Variants in CACHD1 observed in about 807,000 individuals in gnomAD.
The protein encoded by CACHD1 is cache domain containing 1, also known as VWFA and cache domain-containing protein 1.
Under a neutral mutation model 138.7 loss-of-function variants are expected in CACHD1, and 71 were observed. The ratio of observed to expected loss-of-function variants is 0.51; its 90% CI spans 0.42 to 0.62. The LOEUF (loss-of-function observed/expected upper bound fraction) is 0.62, where lower values mean the gene tolerates loss of function less well. Among genes scored for constraint, CACHD1 ranks in the 20% least tolerant of loss-of-function variants. The pLI, the probability that CACHD1 is intolerant of heterozygous loss-of-function variation, is 0.00. For synonymous variants in CACHD1, 578 were observed against 591.5 expected (o/e 0.98, Z 0.33); for missense variants, 1,389 against 1,625.3 (o/e 0.85, Z 2.50).
rs1267716836 is a variant in CACHD1 at position 64,566,491 on chromosome 1, A to ACC, written c.262-15664_262-15663insCC. 6.9e-5 allele frequency among the ~76,000 whole-genome samples: 8 copies of ACC among 116,046 alleles called. 1 individual carries two copies. In the South Asian group the frequency reaches 9.5e-4, roughly 14 times the overall value. 76.1% of individuals were successfully genotyped at this position (116,046 alleles called of 152,430 possible). A position where few individuals can be genotyped will look rare whatever the true frequency, so the allele number is the denominator to read the frequency against. On this transcript the variant is annotated intron_variant, in intron 2 of 26. Transcript: ENST00000651257. ...GTATGTTTTCAATTCCCCCCCCCCC[A>ACC]CAAGGTATGGGGGAAGTACTGCCTG...
intron 2 of CACHD1, among the ~76,000 whole-genome samples, chr1:64,569,158 T>G (rs142504321): frequency 6.6e-6 from 1 of 151,872 alleles, no homozygotes; most frequent in Admixed American, 6.6e-5. Context: ...CGACATCAGG[T>G]GATCCACCCA....
chr1:64,530,876 A>G (rs1474214947), intron 1 of CACHD1, among the ~76,000 whole-genome samples: 1 of 151,116 alleles, frequency 6.6e-6, no homozygotes, highest in Non-Finnish European at 1.5e-5. Context: ...GTCTAAAAAA[A>G]AAAAAAGAAA....
intron 3 of CACHD1, among the ~76,000 whole-genome samples, chr1:64,596,626 G>A (rs1003366535): frequency 1.3e-5 from 2 of 152,136 alleles, no homozygotes; most frequent in African/African-American, 4.8e-5. Flanking sequence ...TGCTTGTGTT[G>A]TGACCTCCCA....
At chr1:64,587,756 T>G (rs1349367424) in intron 3 of CACHD1, among the ~76,000 whole-genome samples, 1 of 152,214 alleles carries the variant, frequency 6.6e-6, no homozygotes, top group Non-Finnish European at 1.5e-5. Flanking sequence ...TTTGTGTTCC[T>G]TTAGGTGAGG....
chr1:64,578,036 T>G (rs1225474569), intron 2 of CACHD1, among the ~76,000 whole-genome samples: 3 of 152,208 alleles, frequency 2.0e-5, no homozygotes, highest in African/African-American at 7.2e-5. Flanking sequence ...AGCCCAGAGT[T>G]GAGGACCTTT....
intron 9 of CACHD1, among the ~76,000 whole-genome samples, chr1:64,651,170 C>T (rs1649081259): frequency 6.6e-6 from 1 of 151,944 alleles, no homozygotes; most frequent in Admixed American, 6.6e-5. Context: ...AAAAAAACAA[C>T]AACAAAAATT....
At chr1:64,514,244 A>T (rs1646442882) in intron 1 of CACHD1, among the ~76,000 whole-genome samples, 1 of 152,220 alleles carries the variant, frequency 6.6e-6, no homozygotes, top group Admixed American at 6.5e-5. Flanking sequence ...GAAACCTGGA[A>T]TGATTGCCAG....
chr1:64,615,138 C>T (rs1008826832), intron 4 of CACHD1, among the ~76,000 whole-genome samples: 1 of 152,182 alleles, frequency 6.6e-6, no homozygotes, highest in Non-Finnish European at 1.5e-5. Flanking sequence ...TCCTACAGCA[C>T]GCTGCCAGCC....
intron 21 of CACHD1, 37 bp from the exon 22 acceptor site, chr1:64,676,858 G>A (rs1650008732): frequency 6.5e-7 from 1 of 1,537,958 alleles, no homozygotes; most frequent in Non-Finnish European, 9.0e-7. Flanking sequence ...AATGTGGGCG[G>A]TGGTCGTCTT....
rs1470401656 is a variant in CACHD1, at chr1:64,602,928, G to A, written c.517+16G>A. ...TTAAATTCAGGTCAGTAATCCATTG[G>A]CTTTATAAAGATGAACTGTATTCTA... On this transcript the variant is annotated intron_variant, in intron 4 of 26. Coordinates refer to ENST00000651257, the MANE Select transcript of CACHD1 (RefSeq NM_020925.4). The A allele has an allele frequency of 1.3e-6, 2 of 1,501,512 alleles. No individual in the cohort carries two copies. The highest frequency in any genetic ancestry group is 1.9e-6 in the Non-Finnish European group (2 of 1,078,074). 93.0% of individuals were successfully genotyped at this position (1,501,512 alleles called of 1,614,324 possible).
intron 3 of CACHD1, among the ~76,000 whole-genome samples, chr1:64,595,813 A>G (rs571478355): frequency 4.6e-5 from 7 of 152,166 alleles, no homozygotes; most frequent in Non-Finnish European, 8.8e-5. Flanking sequence ...ATGGCGAAAA[A>G]GAAATATGGT....
chr1:64,663,112 C>T (rs2100700865), intron 13 of CACHD1, among the ~76,000 whole-genome samples: 1 of 152,266 alleles, frequency 6.6e-6, no homozygotes, highest in East Asian at 1.9e-4. Flanking sequence ...CATAAGCTGT[C>T]CCCTCATTCC....
intron 9 of CACHD1, among the ~76,000 whole-genome samples, chr1:64,651,332 A>C (rs1398979123): frequency 6.6e-6 from 1 of 152,144 alleles, no homozygotes; most frequent in Admixed American, 6.6e-5. Flanking sequence ...CTGTATGTTC[A>C]GATACTGTAC....
rs775941077 is a variant in CACHD1, at chr1:64,678,171, G to A, written c.3105G>A (p.Gly1035=). 1.2e-6 allele frequency: 2 copies of A among 1,611,404 alleles called. No individual in the cohort carries two copies. The highest frequency in any genetic ancestry group is 2.2e-5 in the South Asian group (2 of 90,292). Reference sequence around the variant, plus strand: ...GTTTTTCTGGCAGGGACTGTTTTGGGGTGCTGGATTGTGAATGGTGCATGG... The same window carrying A: ...GTTTTTCTGGCAGGGACTGTTTTGGAGTGCTGGATTGTGAATGGTGCATGG... ...SQRLESGDCF[G]VLDCEWCMVD... is the part of the protein sequence containing the mutation. Residue 1035 remains glycine (G), a synonymous_variant, in exon 23 of 27, where the codon GGG becomes GGA. Coordinates refer to ENST00000651257, the MANE Select transcript of CACHD1 (RefSeq NM_020925.4).
intron 4 of CACHD1, among the ~76,000 whole-genome samples, chr1:64,609,010 A>T (rs554590356): frequency 6.6e-6 from 1 of 152,308 alleles, no homozygotes; most frequent in East Asian, 1.9e-4. Flanking sequence ...TGCAGTCTTC[A>T]TTGAGAAACG....
At chr1:64,595,722 A>G (rs1326467106) in intron 3 of CACHD1, among the ~76,000 whole-genome samples, 1 of 152,226 alleles carries the variant, frequency 6.6e-6, no homozygotes, top group African/African-American at 2.4e-5. Flanking sequence ...GAATTGAATG[A>G]TAATACCATC....
chr1:64,546,285 G>A (rs759727957), intron 1 of CACHD1, among the ~76,000 whole-genome samples: 13 of 151,934 alleles, frequency 8.6e-5, no homozygotes, highest in Admixed American at 2.0e-4. Flanking sequence ...AGGACTGAAG[G>A]ATCAGACCTG....
At chr1:64,654,372 T>C (rs1047654621) in intron 11 of CACHD1, among the ~76,000 whole-genome samples, 1 of 152,174 alleles carries the variant, frequency 6.6e-6, no homozygotes, top group Non-Finnish European at 1.5e-5. Flanking sequence ...TTTTGGCAGA[T>C]GGTAACCTGT....
intron 26 of CACHD1, among the ~76,000 whole-genome samples, chr1:64,690,163 C>A (rs956038880): frequency 3.3e-5 from 5 of 152,218 alleles, no homozygotes; most frequent in Non-Finnish European, 5.9e-5. Flanking sequence ...CAGTGCCCAA[C>A]ACAGTGACTT....
Sources: allele counts gnomAD v4.1 joint callset (sites outside exome capture counted in the v4.1 genomes callset), GRCh38; gene constraint gnomAD v4.1.1; transcripts MANE v1.5; gene names NCBI Gene and HGNC (gene_info 2026-07-23, HGNC 2026-07-21).